SRFBP1: variants seen among roughly 807,000 people sequenced by gnomAD.
SRFBP1 encodes serum response factor binding protein 1.
SRFBP1 carries 47 observed loss-of-function variants against 45.5 expected under a neutral mutation model. That is an observed-to-expected ratio of 1.03 (90% confidence interval 0.82 to 1.32). SRFBP1 has a LOEUF of 1.32. SRFBP1 is among the 40% of genes most tolerant of loss of function. The pLI, the probability that SRFBP1 is intolerant of heterozygous loss-of-function variation, is 0.00. For synonymous variants in SRFBP1, 203 were observed against 166.3 expected (o/e 1.22, Z -1.70); for missense variants, 621 against 484.6 (o/e 1.28, Z -2.64).
intron 4 of SRFBP1, among the ~76,000 whole-genome samples, chr5:122,001,008 G>T (rs1248582913): frequency 6.6e-6 from 1 of 152,070 alleles, no homozygotes; most frequent in African/African-American, 2.4e-5. Context: ...TGGATGTCAT[G>T]TTTTTAATCA....
downstream of SRFBP1, among the ~76,000 whole-genome samples, chr5:122,031,141 TC>T (rs1753583133): frequency 6.6e-6 from 1 of 152,124 alleles, no homozygotes; most frequent in Non-Finnish European, 1.5e-5. Flanking sequence ...TTTAAGGAAA[TC>T]TGTCCAATTA....
intron 2 of SRFBP1, among the ~76,000 whole-genome samples, chr5:122,073,240 T>C (rs890716860): frequency 4.6e-5 from 7 of 152,160 alleles, no homozygotes; most frequent in Non-Finnish European, 1.0e-4. Context: ...TAGGGTTTCA[T>C]ATGGAAATAC....
intron 4 of SRFBP1, among the ~76,000 whole-genome samples, chr5:122,001,416 T>C (rs1280670226): frequency 1.3e-5 from 2 of 149,438 alleles, no homozygotes; most frequent in Non-Finnish European, 3.0e-5. Flanking sequence ...TTTTATTTTT[T>C]ATTTTTATTT....
At chr5:122,001,044 T>C (rs113864925) in intron 4 of SRFBP1, among the ~76,000 whole-genome samples, 1,720 of 152,156 alleles carry the variant, frequency 0.011, 45 homozygotes, top group African/African-American at 0.039. Flanking sequence ...GAGATCACCA[T>C]TAAAGGTCCC....
chr5:121,992,632 AATCGC>A (rs1752642071), intron 3 of SRFBP1, among the ~76,000 whole-genome samples: 3 of 152,106 alleles, frequency 2.0e-5, no homozygotes, highest in African/African-American at 7.2e-5. Context: ...ATGTGTAATT[AATCGC>A]TACTTAGGTT....
At chr5:122,051,995 C>A (rs73285767) in intron 2 of SRFBP1, among the ~76,000 whole-genome samples, 4,921 of 152,216 alleles carry the variant, frequency 0.032, 266 homozygotes, top group African/African-American at 0.11. Flanking sequence ...CTTATTTCTC[C>A]TCCACTCATG....
intron 2 of SRFBP1, among the ~76,000 whole-genome samples, chr5:122,056,075 C>T (rs116833887): frequency 7.0e-4 from 107 of 152,272 alleles, no homozygotes; most frequent in African/African-American, 2.0e-3. Flanking sequence ...CCTTTCACTC[C>T]GGTCCCCAAA....
At position 122,020,765 on chromosome 5, in the gene SRFBP1, T is replaced by A. The variant is rs1375215989; in HGVS notation, c.1030T>A (p.Phe344Ile). The change falls in exon 6 of 8, where the codon TTT becomes ATT. Residue 344 changes from phenylalanine (F) to isoleucine (I), a missense_variant. By Grantham distance (21) the Phe-to-Ile change is conservative. Coordinates refer to ENST00000339397, the MANE Select transcript of SRFBP1 (RefSeq NM_152546.3). Reference protein sequence around the residue: ...STETRKLESVFFHSLSGSKSS... With the variant: ...STETRKLESVIFHSLSGSKSS... ...AGAAACCAGAAAGTTAGAATCAGTGTTTTTCCACTCTTTATCTGGATCTAA... is the reference window on the plus strand; with the variant it reads ...AGAAACCAGAAAGTTAGAATCAGTGATTTTCCACTCTTTATCTGGATCTAA... The A allele has an allele frequency of 6.3e-7, 1 of 1,595,082 alleles. No homozygotes were observed. The highest frequency in any genetic ancestry group is 1.8e-5 in the Admixed American group (1 of 55,542).
intron 2 of SRFBP1, among the ~76,000 whole-genome samples, chr5:122,049,027 T>G (rs1753919123): frequency 6.6e-6 from 1 of 152,120 alleles, no homozygotes; most frequent in African/African-American, 2.4e-5. Context: ...TTGAAGGGTT[T>G]TTTTGTGTCT....
At chr5:122,022,498 C>A (rs1753382282) in intron 7 of SRFBP1, 91 bp downstream of exon 7, 2 of 1,050,504 alleles carry the variant, frequency 1.9e-6, no homozygotes, top group Non-Finnish European at 2.8e-6. Context: ...CTTAATATAG[C>A]CTGAATGAAT....
chr5:121,975,271 A>C, intron 2 of SRFBP1, 44 bp from the exon 3 acceptor site: 1 of 1,595,774 alleles, frequency 6.3e-7, no homozygotes, highest in South Asian at 1.1e-5. Context: ...TAAGTCTAAA[A>C]TTAATGCTTT....
chr5:122,007,063 T>A (rs1752991120), intron 4 of SRFBP1, among the ~76,000 whole-genome samples: 1 of 152,070 alleles, frequency 6.6e-6, no homozygotes, highest in South Asian at 2.1e-4. Context: ...GGGAGAACCG[T>A]TCTCCAGTCA....
Position 121,994,636 on chromosome 5 carries a change from G to T in SRFBP1, c.236G>T (p.Gly79Val). The T allele has an allele frequency of 1.3e-6, 2 of 1,595,980 alleles. No individual in the cohort carries two copies. The highest frequency in any genetic ancestry group is 1.7e-6 in the Non-Finnish European group (2 of 1,172,740). ...KPDIVTKSALGDDINFEKIFK... is the reference protein window; with the variant it reads ...KPDIVTKSALVDDINFEKIFK... Reference sequence around the variant, plus strand: ...GACATAGTAACTAAATCTGCTCTTGGTGATGATATCAACTTTGAAAAAATC... The same window carrying T: ...GACATAGTAACTAAATCTGCTCTTGTTGATGATATCAACTTTGAAAAAATC... Residue 79 changes from glycine to valine, a missense_variant, in exon 4 of 8, where the codon GGT (glycine) becomes GTT (valine). Physicochemically the swap from Gly to Val is moderately radical, Grantham distance 109. Transcript: ENST00000339397.
rs191515716 is a variant in SRFBP1, at chr5:122,055,673, A to T, written n.312-19642A>T. 8.4e-3 allele frequency among the ~76,000 whole-genome samples: 1,282 copies of T among 152,344 alleles called. 8 individuals carry two copies. The highest frequency in any genetic ancestry group is 0.026 in the South Asian group (127 of 4,830). ...TTTTTATTTCTAAGAAAAGCATTAA[A>T]AATCTAGGGAAAGAAGGATGATTTC... On this transcript the variant is annotated intron_variant and non_coding_transcript_variant, in intron 2 of 2. Coordinates refer to the SRFBP1 transcript ENST00000504881.
chr5:122,016,126 C>G (rs2112701934), intron 4 of SRFBP1, among the ~76,000 whole-genome samples: 1 of 152,212 alleles, frequency 6.6e-6, no homozygotes, highest in East Asian at 1.9e-4. Flanking sequence ...AGTGTAACAC[C>G]AAACTCTCCA....
intron 3 of SRFBP1, among the ~76,000 whole-genome samples, chr5:121,993,986 AAT>A (rs1404619890): frequency 6.6e-6 from 1 of 152,016 alleles, no homozygotes; most frequent in Non-Finnish European, 1.5e-5. Context: ...TCTTTGACTT[AAT>A]ATGTGATAAT....
chr5:121,998,885 ACTC>A (rs1226620819), intron 4 of SRFBP1, among the ~76,000 whole-genome samples: 2 of 151,716 alleles, frequency 1.3e-5, no homozygotes, highest in Non-Finnish European at 2.9e-5. Flanking sequence ...TGGATTTTCT[ACTC>A]CTGCTTCTTC....
chr5:122,053,420 T>C (rs1221200875), intron 2 of SRFBP1, among the ~76,000 whole-genome samples: 1 of 152,014 alleles, frequency 6.6e-6, no homozygotes, highest in Non-Finnish European at 1.5e-5. Context: ...GTTCCTGTGC[T>C]CTGCCATTGG....
chr5:122,037,431 T>TA (rs1404444470), intron 2 of SRFBP1, among the ~76,000 whole-genome samples: 1 of 152,228 alleles, frequency 6.6e-6, no homozygotes. Flanking sequence ...ATAGAATTCT[T>TA]ACCATCTTCA....
Sources: gnomAD v4.1 joint callset for allele counts (sites outside exome capture counted in the v4.1 genomes callset) on GRCh38, gnomAD v4.1.1 for gene constraint, MANE v1.5 for transcripts, NCBI Gene and HGNC (gene_info 2026-07-23, HGNC 2026-07-21) for gene names.